Variants in RREB1 observed in about 807,000 individuals in gnomAD.
RREB1 encodes the protein ras responsive element binding protein 1, also known as ras-responsive element-binding protein 1.
RREB1 carries 27 observed loss-of-function variants against 117.8 expected under a neutral mutation model. That is an observed-to-expected ratio of 0.23 (90% CI 0.17 to 0.32). RREB1 has a LOEUF of 0.32. Among genes scored for constraint, RREB1 ranks in the 10% least tolerant of loss-of-function variants. The pLI, the probability that RREB1 is intolerant of heterozygous loss-of-function variation, is 1.00. For synonymous variants in RREB1, 1,298 were observed against 1,026.7 expected (o/e 1.26, Z -5.05); for missense variants, 2,577 against 2,378.2 (o/e 1.08, Z -1.74).
At position 7,231,372 on chromosome 6, in the gene RREB1, C is replaced by G. The variant is rs147399080; in HGVS notation, c.3273C>G (p.Pro1091=). The change falls in exon 10 of 13, where the codon CCC becomes CCG. Residue 1091 remains proline, a synonymous_variant. Transcript: ENST00000379938. ...LLKTKVADPG[P]ASTGSNTTAS... is the part of the protein sequence containing the mutation. ...AAACCAAGGTGGCGGACCCAGGGCC[C>G]GCAAGCACTGGCAGTAACACCACGG... 517 of 1,613,386 alleles carry G rather than the reference C, an allele frequency of 3.2e-4. No homozygotes were observed. Among genetic ancestry groups the G allele is most frequent in the Non-Finnish European group, 3.8e-4 (453 of 1,179,882 alleles).
chr6:7,176,566 G>A (rs1466360634), intron 1 of RREB1, 89 bp from the exon 2 acceptor site: 1 of 152,746 alleles, frequency 6.5e-6, no homozygotes, highest in Non-Finnish European at 1.5e-5. Context: ...ATGTTTTCTA[G>A]TCCTAATTGG....
rs1764285726 is a variant in RREB1, at chr6:7,172,772, TC to T, written c.-284-3881del. 3.3e-5 allele frequency among the ~76,000 whole-genome samples: 5 copies of T among 151,984 alleles called. No homozygotes were observed. In the South Asian group the frequency reaches 1.0e-3, roughly 32 times the overall value. On this transcript the variant is annotated intron_variant, in intron 1 of 12. Transcript: ENST00000379938. ...CCCTAAGCCAAGAAACACATCAACT[TC>T]CTGGAACTCAAAGCCGTCATCACAG...
At chr6:7,239,707 A>G (rs1442539769) in intron 10 of RREB1, among the ~76,000 whole-genome samples, 1 of 152,272 alleles carries the variant, frequency 6.6e-6, no homozygotes, top group Non-Finnish European at 1.5e-5. Flanking sequence ...AAATGCAGAC[A>G]TAGTTACGTA....
chr6:7,207,296 C>T (rs1766331072), intron 6 of RREB1, among the ~76,000 whole-genome samples: 1 of 152,180 alleles, frequency 6.6e-6, no homozygotes, highest in African/African-American at 2.4e-5. Flanking sequence ...CTCTAGTGCT[C>T]AGCCACTTTG....
At position 7,124,593 on chromosome 6, in the gene RREB1, A is replaced by G. The variant is rs550358197; in HGVS notation, c.-285+16533A>G. On this transcript the variant is annotated intron_variant, in intron 1 of 12. Transcript: ENST00000379938. ...AAATAAGTTCAACTCCCAGCATTCAAGTAACTCCATGGGACTCCATTGTTA... is the reference window on the plus strand; with the variant it reads ...AAATAAGTTCAACTCCCAGCATTCAGGTAACTCCATGGGACTCCATTGTTA... Among the ~76,000 whole-genome samples the G allele has an allele frequency of 8.5e-5, 13 of 152,314 alleles. No individual in the cohort carries two copies. The East Asian group carries it at 2.1e-3, about 25-fold the overall frequency.
chr6:7,229,828 C>G lies in RREB1; in HGVS notation c.1729C>G (p.Leu577Val), dbSNP rs779621550. Residue 577 changes from leucine (L) to valine (V), a missense_variant, in exon 10 of 13, where the codon CTC (leucine) becomes GTC (valine). Leu to Val is a conservative substitution (Grantham distance 32, BLOSUM62 1). Coordinates refer to ENST00000379938, the MANE Select transcript of RREB1 (RefSeq NM_001003699.4). This position sits in a 1 kb window ranked among gnomAD's most constrained non-coding sequence, Gnocchi z 4.5. ...GACCCAGCCCCACGCGGCCACGCGG[C>G]TCTCCCTGCAGCAGCCGCGGGCGGA... ...SGTQPHAATR[L>V]SLQQPRAELP... 1 of 1,610,330 alleles carries G rather than the reference C, an allele frequency of 6.2e-7. No individual in the cohort carries two copies. Among genetic ancestry groups the G allele is most frequent in the Non-Finnish European group, 8.5e-7 (1 of 1,178,586 alleles).
At position 7,211,603 on chromosome 6, in the gene RREB1, G is replaced by C. The variant is rs1395592239; in HGVS notation, c.601G>C (p.Glu201Gln). The C allele has an allele frequency of 1.2e-6, 2 of 1,614,046 alleles. No individual in the cohort carries two copies. The highest frequency in any genetic ancestry group is 2.2e-5 in the East Asian group (1 of 44,884). Residue 201 changes from glutamate to glutamine, a missense_variant, in exon 8 of 13, where the codon GAG becomes CAG. Coordinates refer to ENST00000379938, the MANE Select transcript of RREB1 (RefSeq NM_001003699.4). The stretch of plus-strand genomic sequence containing the variant: ...AGAAGACGGGCAGTCAGGTGACTTG[G>C]AGAAGAAAGCTGATGAAGTCTTTCA... ...MVEDGQSGDL[E>Q]KKADEVFHCP... is the part of the protein sequence containing the mutation.
chr6:7,239,906 G>C lies in RREB1; in HGVS notation c.3809-532G>C, dbSNP rs143749284. 3.3e-5 allele frequency among the ~76,000 whole-genome samples: 5 copies of C among 152,224 alleles called. 1 individual carries two copies. The South Asian group carries it at 1.0e-3, about 32-fold the overall frequency. On this transcript the variant is annotated intron_variant, in intron 10 of 12. Transcript: ENST00000379938. ...ACTGCTCCCGTTCCCCTGTGGGAGG[G>C]ACACAGCCACCAAGGCCAGGAAGGG...
chr6:7,234,878 G>A (rs751138807), intron 10 of RREB1, among the ~76,000 whole-genome samples: 7 of 152,224 alleles, frequency 4.6e-5, no homozygotes, highest in Non-Finnish European at 1.0e-4. Flanking sequence ...ACTGGTCAGG[G>A]TGTGTGTGCC....
At chr6:7,119,827 A>T (rs946335081) in intron 1 of RREB1, among the ~76,000 whole-genome samples, 1 of 152,214 alleles carries the variant, frequency 6.6e-6, no homozygotes, top group Non-Finnish European at 1.5e-5. Flanking sequence ...GTTTGGAAGA[A>T]TGTCAGTTAG....
chr6:7,162,784 A>G (rs564718052), intron 1 of RREB1, among the ~76,000 whole-genome samples: 1 of 152,144 alleles, frequency 6.6e-6, no homozygotes, highest in East Asian at 1.9e-4. Flanking sequence ...ATGGGCCTAC[A>G]ACTCCAGCTG....
intron 4 of RREB1, chr6:7,184,419 T>TA (rs1376671197): frequency 1.3e-5 from 2 of 149,900 alleles, no homozygotes; most frequent in Non-Finnish European, 3.0e-5. Flanking sequence ...TTTTTTTTTT[T>TA]AATTATAAAA....
At chr6:7,244,157 G>A (rs1768876412) in intron 11 of RREB1, among the ~76,000 whole-genome samples, 1 of 151,980 alleles carries the variant, frequency 6.6e-6, no homozygotes, top group African/African-American at 2.4e-5. Flanking sequence ...CAGCTACTTG[G>A]GAGGCTGAGA....
chr6:7,184,079 G>A lies in RREB1; in HGVS notation c.171+1997G>A, dbSNP rs1047278830. The A allele has an allele frequency of 6.6e-5, 10 of 152,082 alleles. 1 individual carries two copies. The highest frequency in any genetic ancestry group is 2.4e-4 in the African/African-American group (10 of 41,382). The allele number at this position is 152,082 out of a possible 1,614,324, so 9.4% of individuals were successfully genotyped here. A position where few individuals can be genotyped will look rare whatever the true frequency, so the allele number is the denominator to read the frequency against. ...AATTCTCCATTAGGGTGCTGGGCGTGGTGGCATGTCTCTAATCCCTGCTAC... is the reference window on the plus strand; with the variant it reads ...AATTCTCCATTAGGGTGCTGGGCGTAGTGGCATGTCTCTAATCCCTGCTAC... On this transcript the variant is annotated intron_variant, in intron 4 of 12. Coordinates refer to ENST00000379938, the MANE Select transcript of RREB1 (RefSeq NM_001003699.4).
intron 10 of RREB1, among the ~76,000 whole-genome samples, chr6:7,239,754 G>A (rs1176134160): frequency 6.6e-6 from 1 of 152,244 alleles, no homozygotes; most frequent in Admixed American, 6.5e-5. Flanking sequence ...GGAGCAGGGG[G>A]AACAAAGAAC....
At chr6:7,131,000 G>A (rs1186863667) in intron 1 of RREB1, among the ~76,000 whole-genome samples, 2 of 141,936 alleles carry the variant, frequency 1.4e-5, no homozygotes, top group African/African-American at 5.2e-5. Context: ...GGTCAGTGGC[G>A]CGATCTCGGC....
intron 10 of RREB1, among the ~76,000 whole-genome samples, chr6:7,235,907 G>T (rs959900567): frequency 6.6e-6 from 1 of 152,168 alleles, no homozygotes; most frequent in Admixed American, 6.5e-5. Flanking sequence ...CCCGGCTCAG[G>T]TTCCAGGAAC....
intron 5 of RREB1, among the ~76,000 whole-genome samples, chr6:7,188,313 C>T (rs12195600): frequency 0.15 from 23,254 of 151,622 alleles, 1,900 homozygotes; most frequent in East Asian, 0.27. Flanking sequence ...TACAGTGGTG[C>T]GATCTCAGCT....
At chr6:7,195,899 G>A (rs1167449695) in intron 6 of RREB1, among the ~76,000 whole-genome samples, 1 of 152,216 alleles carries the variant, frequency 6.6e-6, no homozygotes, top group Non-Finnish European at 1.5e-5. Context: ...TTCCCCTGAG[G>A]GGCACAGATT....
Sources: gnomAD v4.1 joint callset for allele counts (sites outside exome capture counted in the v4.1 genomes callset) on GRCh38, gnomAD v4.1.1 for gene constraint, Gnocchi (gnomAD v3.1) non-coding constraint, MANE v1.5 for transcripts, NCBI Gene and HGNC (gene_info 2026-07-23, HGNC 2026-07-21) for gene names.